PDE8B: variants seen among roughly 807,000 people sequenced by gnomAD.
PDE8B encodes the protein phosphodiesterase 8B.
Under a neutral mutation model 101.3 loss-of-function variants are expected in PDE8B, and 26 were observed. That is an observed-to-expected ratio of 0.26 (90% CI 0.19 to 0.36). The LOEUF (loss-of-function observed/expected upper bound fraction) is 0.36. PDE8B is among the 10% of genes least tolerant of loss of function. PDE8B has a pLI of 1.00. For missense variants in PDE8B, 810 were observed against 1,163.1 expected (o/e 0.70, Z 4.42); for synonymous variants, 424 against 429.3 (o/e 0.99, Z 0.15).
the PDE8B span, among the ~76,000 whole-genome samples, chr5:77,163,776 CAAAGT>C: frequency 6.6e-6 from 1 of 152,164 alleles, no homozygotes; most frequent in Non-Finnish European, 1.5e-5. Context: ...TAGAAATTAA[CAAAGT>C]AAAGTCTCAT....
At chr5:77,381,377 T>A (rs1787426685) in intron 10 of PDE8B, among the ~76,000 whole-genome samples, 1 of 152,162 alleles carries the variant, frequency 6.6e-6, no homozygotes. Flanking sequence ...GCAGCAAGGA[T>A]GACCCCTGGC....
chr5:77,116,224 A>ATATTTTT, the PDE8B span, among the ~76,000 whole-genome samples: 1 of 59,610 alleles, frequency 1.7e-5, no homozygotes, highest in African/African-American at 7.2e-5. Flanking sequence ...ATATATATAT[A>ATATTTTT]TTTTTTTTTT....
Position 77,302,255 on chromosome 5 carries a change from C to G in PDE8B, c.340-9739C>G, listed in dbSNP as rs1433233015. 2.6e-5 allele frequency among the ~76,000 whole-genome samples: 4 copies of G among 152,206 alleles called. No individual in the cohort carries two copies. The South Asian group carries it at 6.2e-4, about 24-fold the overall frequency. On this transcript the variant is annotated intron_variant, in intron 1 of 21. Transcript: ENST00000264917. The stretch of plus-strand genomic sequence containing the variant: ...AGACGATGGCCTCTTTATCTTTTCT[C>G]ACTGCCATATTTTCCAGGCACAGTG...
intron 10 of PDE8B, chr5:77,358,338 T>C: frequency 2.0e-6 from 1 of 498,036 alleles, no homozygotes; most frequent in Non-Finnish European, 2.6e-6. Flanking sequence ...ACTCAGCTTC[T>C]CTTCCCCCCA....
At chr5:77,365,596 G>A (rs1561590193) in intron 10 of PDE8B, among the ~76,000 whole-genome samples, 1 of 152,212 alleles carries the variant, frequency 6.6e-6, no homozygotes, top group Non-Finnish European at 1.5e-5. Flanking sequence ...TTGCATCCAG[G>A]CAGAGAGAAG....
intron 10 of PDE8B, among the ~76,000 whole-genome samples, chr5:77,360,717 G>A (rs1782950073): frequency 6.6e-6 from 1 of 151,986 alleles, no homozygotes; most frequent in South Asian, 2.1e-4. Flanking sequence ...TCCTAACCTG[G>A]GAACCACCTT....
At chr5:77,172,029 C>T in the PDE8B span, among the ~76,000 whole-genome samples, 1 of 152,206 alleles carries the variant, frequency 6.6e-6, no homozygotes, top group African/African-American at 2.4e-5. Flanking sequence ...ACCCAAACTA[C>T]AGTCAGCCTT....
chr5:77,387,843 T>C (rs1406866646), intron 10 of PDE8B, among the ~76,000 whole-genome samples: 1 of 152,132 alleles, frequency 6.6e-6, no homozygotes, highest in African/African-American at 2.4e-5. Context: ...ATCTCTGATA[T>C]CCTTTTTTCT....
At chr5:77,424,723 CAG>C (rs367839268) in intron 20 of PDE8B, among the ~76,000 whole-genome samples, 143 of 152,260 alleles carry the variant, frequency 9.4e-4, no homozygotes, top group South Asian at 1.7e-3. Context: ...CAGAATATTA[CAG>C]AGACATGTAC....
Position 77,325,608 on chromosome 5 carries a change from T to C in PDE8B, c.469T>C (p.Tyr157His). Residue 157 changes from tyrosine (Y) to histidine (H), a missense_variant, in exon 3 of 22, where the codon TAT becomes CAT. By Grantham distance (83) the Tyr-to-His change is moderately conservative. Coordinates refer to ENST00000264917, the MANE Select transcript of PDE8B (RefSeq NM_003719.5). Reference protein sequence around the residue: ...GFWWACDRAGYRCNIARTPES... With the variant: ...GFWWACDRAGHRCNIARTPES... ...CTGGTGGGCCTGCGACAGAGCTGGT[T>C]ATAGATGCAATATTGCTCGGACTCC... 1 of 1,613,972 alleles carries C rather than the reference T, an allele frequency of 6.2e-7. No individual in the cohort carries two copies. The highest frequency in any genetic ancestry group is 1.7e-5 in the Admixed American group (1 of 60,016).
intron 1 of PDE8B, among the ~76,000 whole-genome samples, chr5:77,274,657 C>G (rs1763487693): frequency 6.6e-6 from 1 of 152,106 alleles, no homozygotes; most frequent in African/African-American, 2.4e-5. Flanking sequence ...ATCAAATAGC[C>G]TATTGATAAC....
At chr5:77,267,420 A>G (rs1761950446) in intron 1 of PDE8B, among the ~76,000 whole-genome samples, 1 of 151,360 alleles carries the variant, frequency 6.6e-6, no homozygotes, top group Non-Finnish European at 1.5e-5. Context: ...AGCCTGGGTG[A>G]CAGAGCGAGA....
intron 1 of PDE8B, among the ~76,000 whole-genome samples, chr5:77,301,047 A>G (rs1217356607): frequency 2.0e-5 from 3 of 152,184 alleles, no homozygotes; most frequent in East Asian, 3.9e-4. Context: ...TAATCTTTGG[A>G]CTTGGTGACT....
At chr5:77,283,583 A>G (rs1373222373) in intron 1 of PDE8B, among the ~76,000 whole-genome samples, 2 of 152,202 alleles carry the variant, frequency 1.3e-5, no homozygotes, top group Non-Finnish European at 2.9e-5. Context: ...ATCATACAGT[A>G]TATGGCCTTT....
chr5:77,088,524 T>G, the PDE8B span: 18 of 115,706 alleles, frequency 1.6e-4, no homozygotes, highest in South Asian at 3.1e-4. Context: ...AGGTTGGGGG[T>G]GTTTATTAGG....
chr5:77,266,727 G>A (rs1215516914), intron 1 of PDE8B, among the ~76,000 whole-genome samples: 2 of 152,146 alleles, frequency 1.3e-5, no homozygotes, highest in African/African-American at 2.4e-5. Flanking sequence ...AGTGTTTGGG[G>A]TGACTTGATA....
the PDE8B span, among the ~76,000 whole-genome samples, chr5:77,177,791 A>T: frequency 1.3e-5 from 2 of 152,226 alleles, no homozygotes; most frequent in African/African-American, 4.8e-5. Flanking sequence ...CACTAGACAA[A>T]GGGACGATTC....
intron 1 of PDE8B, among the ~76,000 whole-genome samples, chr5:77,247,982 C>T (rs1757313332): frequency 6.6e-6 from 1 of 152,224 alleles, no homozygotes; most frequent in Non-Finnish European, 1.5e-5. Context: ...AAGCCCACAG[C>T]ACTTCACCCG....
chr5:77,425,995 T>C (rs1389996574), intron 21 of PDE8B, 99 bp downstream of exon 21: 4 of 1,263,112 alleles, frequency 3.2e-6, no homozygotes, highest in Admixed American at 1.9e-5. Context: ...ACAAAATATA[T>C]TTTTAAAAAT....
Sources: allele counts gnomAD v4.1 joint callset (sites outside exome capture counted in the v4.1 genomes callset), GRCh38; gene constraint gnomAD v4.1.1; transcripts MANE v1.5; gene names NCBI Gene and HGNC (gene_info 2026-07-23, HGNC 2026-07-21).